RUNX1: variants seen among roughly 807,000 people sequenced by gnomAD.
The protein encoded by RUNX1 is runt-related transcription factor 1.
In RUNX1, 19 loss-of-function variants were observed where a neutral mutation model predicts 42.8. The observed-to-expected ratio is 0.44, with a 90% confidence interval of 0.31 to 0.65. The LOEUF is 0.65. Ranked by LOEUF, RUNX1 falls within the 30% of genes least tolerant of loss-of-function variation. RUNX1 has a pLI of 0.07. For synonymous variants in RUNX1, 271 were observed against 289.4 expected, an observed-to-expected ratio of 0.94 and a Z score of 0.64; for missense variants, 528 against 672.0, an observed-to-expected ratio of 0.79 and a Z score of 2.37.
intron 7 of RUNX1, among the ~76,000 whole-genome samples, chr21:34,801,249 G>A (rs2145916355): frequency 6.6e-6 from 1 of 151,998 alleles, no homozygotes; most frequent in African/African-American, 2.4e-5. Context: ...CTGTCATAAA[G>A]CCCCCCGGGG....
chr21:34,953,649 CTACTT>C (rs2058624590), intron 2 of RUNX1, among the ~76,000 whole-genome samples: 1 of 152,204 alleles, frequency 6.6e-6, no homozygotes. Context: ...GTTTAAATGA[CTACTT>C]TCTTCTGATC....
chr21:34,918,919 C>A (rs13051383), intron 2 of RUNX1, among the ~76,000 whole-genome samples: 117,762 of 152,036 alleles, frequency 0.77, 47,905 homozygotes, highest in South Asian at 0.92. Context: ...AAATAAAATA[C>A]AATAAAAGGA....
chr21:34,884,790 T>C (rs533792189), intron 4 of RUNX1, among the ~76,000 whole-genome samples: 3 of 152,248 alleles, frequency 2.0e-5, no homozygotes, highest in African/African-American at 7.2e-5. Flanking sequence ...TTCTCTGCTA[T>C]CCTTTCCTTT....
rs76209437 is a variant in RUNX1 at position 34,837,043 on chromosome 21, T to C, written c.614-2442A>G. On this transcript the variant is annotated intron_variant, in intron 6 of 8. Transcript: ENST00000675419. ...ATTAGTCCCCCTCATTACTATATAC[T>C]TAGAAATGAGAGCTTTAACTTGTGA... Among the ~76,000 whole-genome samples the C allele has an allele frequency of 4.8e-3, 730 of 152,376 alleles. 2 individuals carry two copies. Among genetic ancestry groups the C allele is most frequent in the Non-Finnish European group, 7.8e-3 (530 of 68,038 alleles).
chr21:34,923,606 C>T (rs1209045716), intron 2 of RUNX1, among the ~76,000 whole-genome samples: 1 of 152,204 alleles, frequency 6.6e-6, no homozygotes, highest in East Asian at 1.9e-4. Flanking sequence ...ATTCAAGGTG[C>T]ACAAAGGCCA....
rs571816352 is a variant in RUNX1 at position 34,922,896 on chromosome 21, C to T, written c.59-29933G>A. On this transcript the variant is annotated intron_variant, in intron 2 of 8. Coordinates refer to ENST00000675419, the MANE Select transcript of RUNX1 (RefSeq NM_001754.5). ...CCATTGATTGAGCGCTTATACTAAGCCAGACACTATTCTAAGTACTTCACC... is the reference window on the plus strand; with the variant it reads ...CCATTGATTGAGCGCTTATACTAAGTCAGACACTATTCTAAGTACTTCACC... 4.6e-5 allele frequency among the ~76,000 whole-genome samples: 7 copies of T among 152,282 alleles called. No individual in the cohort carries two copies. The East Asian group carries it at 1.3e-3, about 29-fold the overall frequency.
chr21:34,833,414 T>C (rs758558831), intron 7 of RUNX1: 1 of 152,332 alleles, frequency 6.6e-6, no homozygotes, highest in African/African-American at 2.4e-5. Context: ...TGAGAACCCA[T>C]GTTTGAACCC....
intron 5 of RUNX1, among the ~76,000 whole-genome samples, chr21:34,869,080 G>A (rs891865122): frequency 3.3e-5 from 5 of 152,104 alleles, no homozygotes; most frequent in Non-Finnish European, 4.4e-5. Flanking sequence ...CAGGACCAAG[G>A]AATATAAATT....
At chr21:35,036,642 T>A (rs966325662) in intron 2 of RUNX1, among the ~76,000 whole-genome samples, 2 of 152,188 alleles carry the variant, frequency 1.3e-5, no homozygotes, top group Non-Finnish European at 2.9e-5. Flanking sequence ...ACTGGTGACA[T>A]GGACTTTGTG....
At chr21:34,803,346 G>C (rs2056634135) in intron 7 of RUNX1, among the ~76,000 whole-genome samples, 1 of 152,070 alleles carries the variant, frequency 6.6e-6, no homozygotes, top group Non-Finnish European at 1.5e-5. Context: ...AGGAGATCGA[G>C]ACCATCCTCG....
intron 6 of RUNX1, 150 bp downstream of exon 6, chr21:34,859,324 T>C (rs1416330301): frequency 2.9e-6 from 2 of 689,560 alleles, no homozygotes; most frequent in East Asian, 2.6e-5. Flanking sequence ...GCGAGAGTAT[T>C]GACAATGCAA....
At chr21:34,954,128 T>C (rs1038513192) in intron 2 of RUNX1, among the ~76,000 whole-genome samples, 3 of 152,212 alleles carry the variant, frequency 2.0e-5, no homozygotes, top group Middle Eastern at 3.2e-3. Context: ...TACCAGCACA[T>C]TTAAGTCTCT....
In RUNX1 at chr21:34,972,353, C is replaced by T. The variant is rs140984773; in HGVS notation, c.58+76489G>A. On this transcript the variant is annotated intron_variant, in intron 2 of 8. Transcript: ENST00000675419. Reference sequence around the variant, plus strand: ...AATAAATAGAAGTTTTACTAGGTTCCATGACAAATAACCTCTGGAAGTAAA... The same window carrying T: ...AATAAATAGAAGTTTTACTAGGTTCTATGACAAATAACCTCTGGAAGTAAA... Among the ~76,000 whole-genome samples, 479 of 152,264 alleles carry T rather than the reference C, an allele frequency of 3.1e-3. 3 individuals carry two copies. The highest frequency in any genetic ancestry group is 0.011 in the African/African-American group (465 of 41,542).
chr21:34,977,844 G>A (rs2058814563), intron 2 of RUNX1, among the ~76,000 whole-genome samples: 2 of 152,068 alleles, frequency 1.3e-5, no homozygotes. Flanking sequence ...GAAGGTAACT[G>A]TTATTCCATC....
At chr21:34,846,120 T>TGA (rs2057311056) in intron 6 of RUNX1, among the ~76,000 whole-genome samples, 3 of 151,510 alleles carry the variant, frequency 2.0e-5, no homozygotes, top group Admixed American at 2.0e-4. Context: ...CACCAAGGTC[T>TGA]CTGACCAGCC....
chr21:34,884,979 GAC>G (rs2057959766), intron 4 of RUNX1, among the ~76,000 whole-genome samples: 1 of 152,140 alleles, frequency 6.6e-6, no homozygotes, highest in Admixed American at 6.5e-5. Flanking sequence ...AAAGAATTCT[GAC>G]AGCTCATAAA....
chr21:34,815,138 A>G (rs1428404084), intron 7 of RUNX1, among the ~76,000 whole-genome samples: 1 of 152,224 alleles, frequency 6.6e-6, no homozygotes, highest in African/African-American at 2.4e-5. Context: ...TGATTTGAAC[A>G]AAAGAGGTTT....
chr21:34,887,124 G>A (rs2146414871), intron 3 of RUNX1, 28 bp from the exon 4 acceptor site: 3 of 1,598,044 alleles, frequency 1.9e-6, no homozygotes, highest in Non-Finnish European at 2.5e-6. Context: ...ACAACAAGCC[G>A]ATTGAGTTAG....
chr21:34,871,518 C>G (rs1444062450), intron 5 of RUNX1, among the ~76,000 whole-genome samples: 1 of 152,192 alleles, frequency 6.6e-6, no homozygotes, highest in Non-Finnish European at 1.5e-5. Context: ...CTGCAGCAGG[C>G]TCTACCTTGA....
Sources: gnomAD v4.1 joint callset for allele counts (sites outside exome capture counted in the v4.1 genomes callset) on GRCh38, gnomAD v4.1.1 for gene constraint, MANE v1.5 for transcripts, NCBI Gene and HGNC (gene_info 2026-07-23, HGNC 2026-07-21) for gene names.